TTLL7: variants seen among roughly 807,000 people sequenced by gnomAD.
The protein encoded by TTLL7 is tubulin tyrosine ligase like 7.
A neutral mutation model predicts 120.2 loss-of-function variants in TTLL7; 53 were observed. That is an observed-to-expected ratio of 0.44 (90% CI 0.35 to 0.55). The LOEUF is 0.55. Ranked by LOEUF, TTLL7 falls within the 20% of genes least tolerant of loss-of-function variation. The pLI, the probability that TTLL7 is intolerant of heterozygous loss-of-function variation, is 0.00. For synonymous variants in TTLL7, 353 were observed against 351.7 expected (o/e 1.00, Z -0.04); for missense variants, 803 against 1,054.7 (o/e 0.76, Z 3.31).
chr1:83,889,172 A>G (rs1477766512), intron 19 of TTLL7, among the ~76,000 whole-genome samples: 2 of 152,076 alleles, frequency 1.3e-5, no homozygotes, highest in South Asian at 2.1e-4. Context: ...CCTTCTTCAC[A>G]TGGCGGCAGC....
At position 83,866,045 on chromosome 1, in the gene TTLL7, C is replaced by G. The variant is rs1652891627; in HGVS notation, c.*3917G>C. On this transcript the variant is annotated 3_prime_UTR_variant, in exon 21 of 21. Transcript: ENST00000260505. ...GCAAATTTTCAAAAAATCATCAGGTCACAAGAACACAATTAATTGTACAGT... is the reference window on the plus strand; with the variant it reads ...GCAAATTTTCAAAAAATCATCAGGTGACAAGAACACAATTAATTGTACAGT... 1 of 151,756 alleles carries G rather than the reference C, an allele frequency of 6.6e-6. No individual in the cohort carries two copies. Among genetic ancestry groups the G allele is most frequent in the Non-Finnish European group, 1.5e-5 (1 of 67,770 alleles). The allele number at this position is 151,756 out of a possible 1,614,324, so 9.4% of individuals were successfully genotyped here.
intron 1 of TTLL7, among the ~76,000 whole-genome samples, chr1:83,973,309 T>A (rs923064769): frequency 1.3e-5 from 2 of 152,064 alleles, no homozygotes; most frequent in East Asian, 1.9e-4. Flanking sequence ...TGTTCCAGCA[T>A]GATTTGTTGA....
At chr1:83,883,255 A>G (rs9645396) in intron 19 of TTLL7, 119 bp from the exon 20 acceptor site, 23,042 of 688,414 alleles carry the variant, frequency 0.033, 481 homozygotes, top group African/African-American at 0.069. Flanking sequence ...TACATTTGCA[A>G]TAACTATGAA....
rs866690807 is a variant in TTLL7, at chr1:83,983,388, C to G, written c.-177+15543G>C. Among the ~76,000 whole-genome samples, 9 of 151,998 alleles carry G rather than the reference C, an allele frequency of 5.9e-5. No homozygotes were observed. The Middle Eastern group carries it at 0.021, about 347-fold the overall frequency. ...AAAAGACTGTCTATTCAATAAATGA[C>G]ACTGGAATAACTGGCTAGCCACATG... On this transcript the variant is annotated intron_variant, in intron 1 of 20. Coordinates refer to ENST00000260505, the MANE Select transcript of TTLL7 (RefSeq NM_024686.6).
intron 19 of TTLL7, among the ~76,000 whole-genome samples, chr1:83,884,685 G>A (rs2100713885): frequency 7.2e-6 from 1 of 138,114 alleles, no homozygotes; most frequent in East Asian, 2.1e-4. Flanking sequence ...AGAACACATG[G>A]ACACAGGAAG....
intron 1 of TTLL7, among the ~76,000 whole-genome samples, chr1:83,986,923 G>T (rs1652506766): frequency 6.6e-6 from 1 of 152,118 alleles, no homozygotes; most frequent in Non-Finnish European, 1.5e-5. Flanking sequence ...TCCAGCCATT[G>T]CAATAAAGCA....
chr1:83,999,009 T>C lies in TTLL7; in HGVS notation c.-255A>G. ...CCAGGTGCTCCCGCGCCTCGCAGCTTCCCCGTGGGCGGCCGCCCCGACTCG... is the reference window on the plus strand; with the variant it reads ...CCAGGTGCTCCCGCGCCTCGCAGCTCCCCCGTGGGCGGCCGCCCCGACTCG... On this transcript the variant is annotated 5_prime_UTR_variant, in exon 1 of 21. Coordinates refer to ENST00000260505, the MANE Select transcript of TTLL7 (RefSeq NM_024686.6). The C allele has an allele frequency of 2.3e-6, 1 of 444,188 alleles. No individual in the cohort carries two copies. The highest frequency in any genetic ancestry group is 2.1e-5 in the African/African-American group (1 of 48,598). 27.5% of individuals were successfully genotyped at this position (444,188 alleles called of 1,614,324 possible).
chr1:83,892,928 G>GAAAGAAAA (rs1553129437), intron 18 of TTLL7, among the ~76,000 whole-genome samples: 7 of 102,714 alleles, frequency 6.8e-5, no homozygotes, highest in African/African-American at 2.8e-4. Context: ...GAAAGAAAAA[G>GAAAGAAAA]AGAAAGAAAG....
chr1:83,984,534 T>G (rs566726491), intron 1 of TTLL7, among the ~76,000 whole-genome samples: 1 of 152,192 alleles, frequency 6.6e-6, no homozygotes, highest in Admixed American at 6.5e-5. Flanking sequence ...GAGGTGCCCA[T>G]CAACAGTGGA....
intron 4 of TTLL7, 47 bp from the exon 5 acceptor site, chr1:83,948,742 T>A (rs12121058): frequency 0.033 from 43,392 of 1,316,088 alleles, 860 homozygotes; most frequent in African/African-American, 0.069. Context: ...GAATTAATTA[T>A]ATTCATGTAT....
At position 83,892,426 on chromosome 1, in the gene TTLL7, GAA is replaced by G. The variant is rs1557563778; in HGVS notation, c.2209-1947_2209-1946del. ...TGAACATATATATGAACATATATAT[GAA>G]CATATATATGAACATATGAATGAAC... On this transcript the variant is annotated intron_variant, in intron 18 of 20. Transcript: ENST00000260505. 8.7e-5 allele frequency among the ~76,000 whole-genome samples: 11 copies of G among 126,308 alleles called. 1 individual carries two copies. The highest frequency in any genetic ancestry group is 2.5e-4 in the South Asian group (1 of 4,032). The allele number at this position is 126,308 out of a possible 152,430, so 82.9% of individuals were successfully genotyped here.
At chr1:83,972,954 T>C (rs927585163) in intron 1 of TTLL7, among the ~76,000 whole-genome samples, 1 of 152,130 alleles carries the variant, frequency 6.6e-6, no homozygotes, top group Non-Finnish European at 1.5e-5. Flanking sequence ...GAGTTCTTTG[T>C]ATATTCTGGA....
At chr1:83,956,313 T>TG (rs1224530489) in intron 1 of TTLL7, among the ~76,000 whole-genome samples, 1 of 151,492 alleles carries the variant, frequency 6.6e-6, no homozygotes, top group African/African-American at 2.4e-5. Flanking sequence ...ATTTTAGAGA[T>TG]GGGGTCTCAC....
intron 1 of TTLL7, among the ~76,000 whole-genome samples, chr1:83,986,059 T>A (rs2100626274): frequency 6.6e-6 from 1 of 152,342 alleles, no homozygotes; most frequent in Non-Finnish European, 1.5e-5. Context: ...CAACTCATTT[T>A]ATGAGATCAA....
chr1:83,914,651 T>C (rs1386108846), intron 14 of TTLL7, among the ~76,000 whole-genome samples: 1 of 152,104 alleles, frequency 6.6e-6, no homozygotes, highest in African/African-American at 2.4e-5. Flanking sequence ...TCTTAATGCT[T>C]AGAGCACTAC....
intron 1 of TTLL7, among the ~76,000 whole-genome samples, chr1:83,975,922 T>C (rs983476209): frequency 3.3e-5 from 5 of 152,076 alleles, no homozygotes; most frequent in African/African-American, 1.2e-4. Flanking sequence ...ATAAGCATTT[T>C]ATTTGAAATA....
rs955602046 is a variant in TTLL7, at chr1:83,907,631, C to T, written c.1817G>A (p.Arg606Gln). The change falls in exon 16 of 21, where the codon CGG becomes CAG. Residue 606 changes from arginine to glutamine, a missense_variant. By Grantham distance (43) the Arg-to-Gln change is conservative (BLOSUM62 1). Coordinates refer to ENST00000260505, the MANE Select transcript of TTLL7 (RefSeq NM_024686.6). The part of the protein sequence containing the change: ...SSIRRSVSCP[R>Q]SISAQSPSSG... ...GGAAGGTGATTGAGCAGAGATGGACCGAGGGCAGCTGACTGAACGTCTTAT... is the reference window on the plus strand; with the variant it reads ...GGAAGGTGATTGAGCAGAGATGGACTGAGGGCAGCTGACTGAACGTCTTAT... The T allele has an allele frequency of 3.1e-6, 5 of 1,612,718 alleles. No individual in the cohort carries two copies. Among genetic ancestry groups the T allele is most frequent in the Admixed American group, 3.3e-5 (2 of 59,816 alleles).
intron 14 of TTLL7, among the ~76,000 whole-genome samples, chr1:83,914,645 A>T (rs1657983018): frequency 6.6e-6 from 1 of 151,988 alleles, no homozygotes; most frequent in Non-Finnish European, 1.5e-5. Flanking sequence ...CACCTCTCTT[A>T]ATGCTTAGAG....
Position 83,999,021 on chromosome 1 carries a change from GC to G in TTLL7, c.-268del, listed in dbSNP as rs1653747989. On this transcript the variant is annotated 5_prime_UTR_variant, in exon 1 of 21. Transcript: ENST00000260505. ...GCGCCTCGCAGCTTCCCCGTGGGCG[GC>G]CGCCCCGACTCGGCAGCCTGCACTG... 2.3e-6 allele frequency: 1 copy of G among 444,182 alleles called. No individual in the cohort carries two copies. The highest frequency in any genetic ancestry group is 4.5e-6 in the Non-Finnish European group (1 of 223,170). 27.5% of individuals were successfully genotyped at this position (444,182 alleles called of 1,614,324 possible). A position where few individuals can be genotyped will look rare whatever the true frequency, so the allele number is the denominator to read the frequency against.
Sources: allele counts gnomAD v4.1 joint callset (sites outside exome capture counted in the v4.1 genomes callset), GRCh38; gene constraint gnomAD v4.1.1; transcripts MANE v1.5; gene names NCBI Gene and HGNC (gene_info 2026-07-23, HGNC 2026-07-21).